The following NAV3 variants were observed in gnomAD, a reference collection of about 807,000 sequenced individuals.
NAV3 encodes the protein pore membrane and/or filament interacting like protein 1.
In NAV3, 87 loss-of-function variants were observed where a neutral mutation model predicts 244.7. The observed-to-expected ratio is 0.36, with a 90% CI of 0.30 to 0.42. The LOEUF is 0.42. Among genes scored for constraint, NAV3 ranks in the 20% least tolerant of loss-of-function variants. The pLI, the probability that NAV3 is intolerant of heterozygous loss-of-function variation, is 1.00. For synonymous variants in NAV3, 1,126 were observed against 1,042.2 expected (o/e 1.08, Z -1.55); for missense variants, 2,663 against 2,893.3 (o/e 0.92, Z 1.83).
chr12:77,984,840 G>A (rs1025418871), intron 5 of NAV3, among the ~76,000 whole-genome samples: 7 of 150,012 alleles, frequency 4.7e-5, no homozygotes, highest in African/African-American at 9.8e-5. Context: ...TTTTCGAGAC[G>A]GAGTCTCGCT....
chr12:77,793,916 T>C (rs1358244555), intron 2 of NAV3, among the ~76,000 whole-genome samples: 1 of 152,210 alleles, frequency 6.6e-6, no homozygotes, highest in Non-Finnish European at 1.5e-5. Context: ...TCCATAATGG[T>C]TGAACTGATT....
chr12:77,999,362 G>A (rs147154383), intron 7 of NAV3, among the ~76,000 whole-genome samples: 1 of 152,350 alleles, frequency 6.6e-6, no homozygotes, highest in East Asian at 1.9e-4. Context: ...TTAAAAAGTG[G>A]CACAAATGTT....
At chr12:77,982,230 T>TGGC (rs1320823551) in intron 5 of NAV3, among the ~76,000 whole-genome samples, 1 of 127,436 alleles carries the variant, frequency 7.8e-6, no homozygotes, top group African/African-American at 2.6e-5. Flanking sequence ...TGAAAGATGA[T>TGGC]TTGTTGCTAT....
intron 2 of NAV3, among the ~76,000 whole-genome samples, chr12:77,799,251 A>G (rs151022412): frequency 1.3e-5 from 2 of 152,332 alleles, no homozygotes; most frequent in East Asian, 3.9e-4. Context: ...GATAGGAGAA[A>G]ATACTTATTG....
At chr12:78,197,475 G>T in intron 35 of NAV3, 74 bp downstream of exon 35, 3 of 1,090,462 alleles carry the variant, frequency 2.8e-6, no homozygotes, top group South Asian at 4.2e-5. Flanking sequence ...GTACCTGTAT[G>T]CATTTTTAAA....
intron 2 of NAV3, among the ~76,000 whole-genome samples, chr12:77,824,451 G>A (rs1004753600): frequency 6.6e-6 from 1 of 151,972 alleles, no homozygotes; most frequent in Non-Finnish European, 1.5e-5. Flanking sequence ...TGGCATGAAA[G>A]CAGGTGGTCC....
intron 9 of NAV3, among the ~76,000 whole-genome samples, chr12:78,044,940 A>C (rs112635818): frequency 0.057 from 8,740 of 152,072 alleles, 728 homozygotes; most frequent in African/African-American, 0.19. Context: ...TTGCCTGATT[A>C]CCCTTGCCAA....
intron 2 of NAV3, among the ~76,000 whole-genome samples, chr12:77,660,847 C>T (rs1831971754): frequency 6.6e-6 from 1 of 152,070 alleles, no homozygotes; most frequent in Admixed American, 6.6e-5. Context: ...TCATACAATA[C>T]ACAGTTTTTT....
chr12:77,676,916 G>A (rs540678925), intron 2 of NAV3, among the ~76,000 whole-genome samples: 1 of 152,126 alleles, frequency 6.6e-6, no homozygotes, highest in East Asian at 1.9e-4. Context: ...GGGGAAGTGA[G>A]CACAACATTC....
At chr12:77,660,767 A>C (rs1301480496) in intron 2 of NAV3, among the ~76,000 whole-genome samples, 1 of 152,116 alleles carries the variant, frequency 6.6e-6, no homozygotes, top group Non-Finnish European at 1.5e-5. Flanking sequence ...TATTGTTTCC[A>C]TCCCAACCAA....
At chr12:77,883,657 G>C (rs1289873845) in intron 1 of NAV3, among the ~76,000 whole-genome samples, 1 of 152,182 alleles carries the variant, frequency 6.6e-6, no homozygotes, top group Non-Finnish European at 1.5e-5. Context: ...GAGAGAGAAA[G>C]AGTATGGGAG....
At chr12:77,608,678 CAAG>C (rs1870776687) in intron 2 of NAV3, among the ~76,000 whole-genome samples, 1 of 152,030 alleles carries the variant, frequency 6.6e-6, no homozygotes, top group African/African-American at 2.4e-5. Context: ...TGCATAGATC[CAAG>C]GATTTTAGAA....
At chr12:77,979,477 A>T (rs757191201) in intron 5 of NAV3, among the ~76,000 whole-genome samples, 3 of 152,036 alleles carry the variant, frequency 2.0e-5, no homozygotes, top group Non-Finnish European at 4.4e-5. Flanking sequence ...TCTGTAGCCA[A>T]GTCTACATGG....
intron 1 of NAV3, among the ~76,000 whole-genome samples, chr12:77,918,603 G>T (rs1385368310): frequency 6.6e-6 from 1 of 151,946 alleles, no homozygotes; most frequent in Non-Finnish European, 1.5e-5. Flanking sequence ...GCTTACTCAA[G>T]TTTGTGGCCG....
At chr12:78,054,858 G>A (rs1337806236) in intron 11 of NAV3, among the ~76,000 whole-genome samples, 1 of 151,966 alleles carries the variant, frequency 6.6e-6, no homozygotes, top group Non-Finnish European at 1.5e-5. Context: ...GAGAGATGAT[G>A]AATTTAGAGT....
chr12:77,711,479 A>T (rs1228735009), intron 2 of NAV3, among the ~76,000 whole-genome samples: 1 of 152,214 alleles, frequency 6.6e-6, no homozygotes, highest in East Asian at 1.9e-4. Flanking sequence ...TATTGCTGAA[A>T]ATGGGAAAAG....
At chr12:77,961,441 A>G (rs1891973763) in intron 3 of NAV3, among the ~76,000 whole-genome samples, 1 of 131,286 alleles carries the variant, frequency 7.6e-6, no homozygotes, top group Non-Finnish European at 1.6e-5. Flanking sequence ...CATATGTCTC[A>G]TACATGTAAT....
intron 1 of NAV3, among the ~76,000 whole-genome samples, chr12:77,914,888 GT>G (rs1378674216): frequency 6.9e-6 from 1 of 145,802 alleles, no homozygotes; most frequent in East Asian, 2.0e-4. Flanking sequence ...CCTAATGCCT[GT>G]GTTTTGGTAT....
chr12:77,727,602 G>A (rs943492438), intron 2 of NAV3, among the ~76,000 whole-genome samples: 69 of 151,940 alleles, frequency 4.5e-4, no homozygotes, highest in Non-Finnish European at 7.4e-5. Context: ...ATGGCCAAGA[G>A]GCATGGAGCT....
Sources: gnomAD v4.1 joint callset for allele counts (sites outside exome capture counted in the v4.1 genomes callset) on GRCh38, gnomAD v4.1.1 for gene constraint, MANE v1.5 for transcripts, NCBI Gene and HGNC (gene_info 2026-07-23, HGNC 2026-07-21) for gene names.